ATM: variants seen among roughly 807,000 people sequenced by gnomAD.
ATM encodes serine-protein kinase ATM.
A neutral mutation model predicts 387.0 loss-of-function variants in ATM; 308 were observed. That is an observed-to-expected ratio of 0.80 (90% CI 0.73 to 0.87). The LOEUF (loss-of-function observed/expected upper bound fraction) is 0.87, where lower values mean the gene tolerates loss of function less well. ATM is among the 40% of genes least tolerant of loss of function. The pLI is 0.00. For synonymous variants in ATM, 1,156 were observed against 1,187.3 expected, an observed-to-expected ratio of 0.97 and a Z score of 0.54; for missense variants, 3,312 against 3,560.9, an observed-to-expected ratio of 0.93 and a Z score of 1.78.
rs535646511 is a variant in ATM at position 108,271,142 on chromosome 11, C to G, written c.2917C>G (p.Leu973Val). The change falls in exon 19 of 63, where the codon CTA becomes GTA. Residue 973 changes from leucine (L) to valine (V), a missense_variant. Physicochemically the swap from Leu to Val is conservative, Grantham distance 32 (BLOSUM62 1). Around this residue, in one of 4 missense-constraint regions of ATM, gnomAD observed 1,791 missense variants for 1,804.5 expected, o/e 0.99. Coordinates refer to ENST00000675843, the MANE Select transcript of ATM (RefSeq NM_000051.4). The part of the protein sequence containing the change: ...MEDVLELLKP[L>V]SNVCSLYRRD... ...AGATGTTCTTGAACTTCTGAAACCACTATCGTAAGAAATTAAAACCTTATG... is the reference window on the plus strand; with the variant it reads ...AGATGTTCTTGAACTTCTGAAACCAGTATCGTAAGAAATTAAAACCTTATG... The G allele has an allele frequency of 1.2e-6, 2 of 1,613,856 alleles. No homozygotes were observed. The highest frequency in any genetic ancestry group is 1.3e-5 in the African/African-American group (1 of 74,970).
rs1232218359 is a variant in ATM at position 108,366,512 on chromosome 11, A to T, written c.*1004A>T. 8.8e-6 allele frequency: 2 copies of T among 227,672 alleles called. No individual in the cohort carries two copies. Among genetic ancestry groups the T allele is most frequent in the African/African-American group, 2.2e-5 (1 of 44,958 alleles). The allele number at this position is 227,672 out of a possible 1,614,324, so 14.1% of individuals were successfully genotyped here. On this transcript the variant is annotated 3_prime_UTR_variant, in exon 63 of 63. Coordinates refer to ENST00000675843, the MANE Select transcript of ATM (RefSeq NM_000051.4). ...TTATATCTGTTGATTTTTGTATTTG[A>T]TAGGCTGTTCATCCAGTTTTGTCTT...
intron 57 of ATM, among the ~76,000 whole-genome samples, chr11:108,344,881 G>A (rs2088107233): frequency 6.6e-6 from 1 of 152,004 alleles, no homozygotes; most frequent in South Asian, 2.1e-4. Context: ...GCACATGCCT[G>A]TAATCCCAGC....
At chr11:108,239,510 C>T (rs577826006) in intron 5 of ATM, among the ~76,000 whole-genome samples, 3 of 152,186 alleles carry the variant, frequency 2.0e-5, no homozygotes, top group African/African-American at 7.2e-5. Context: ...CTATTCTGTT[C>T]TGTGTATATG....
chr11:108,353,666 G>GT, intron 59 of ATM, 100 bp from the exon 60 acceptor site: 2 of 930,724 alleles, frequency 2.1e-6, no homozygotes, highest in Non-Finnish European at 3.5e-6. Context: ...TAGAACGTAG[G>GT]TAACATGTGG....
chr11:108,270,645 C>CTG lies in ATM; in HGVS notation c.2839-405_2839-404dup, dbSNP rs546616992. Among the ~76,000 whole-genome samples, 994 of 150,978 alleles carry CTG rather than the reference C, an allele frequency of 6.6e-3. 2 individuals carry two copies. The highest frequency in any genetic ancestry group is 9.2e-3 in the Non-Finnish European group (624 of 67,624). On this transcript the variant is annotated intron_variant, in intron 18 of 62. Coordinates refer to ENST00000675843, the MANE Select transcript of ATM (RefSeq NM_000051.4). ...CTATACACCTCTTAAATATTTACAGCTGTGTGTGTGTGTGTATGTGTGTGC... is the reference window on the plus strand; with the variant it reads ...CTATACACCTCTTAAATATTTACAGCTGTGTGTGTGTGTGTGTATGTGTGTGC...
rs863224462 is a variant in ATM at position 108,329,171 on chromosome 11, C to A, written c.7240C>A (p.Gln2414Lys). 3 of 1,613,898 alleles carry A rather than the reference C, an allele frequency of 1.9e-6. No individual in the cohort carries two copies. In the African/African-American group the frequency reaches 4.0e-5, roughly 22 times the overall value. ...GAAATCATCGGAATTTGAAAACAAG[C>A]AAGCTCTCCTGAAAAGAGCCAAAGA... ...YMKSSEFENKQALLKRAKEEV... is the reference protein window; with the variant it reads ...YMKSSEFENKKALLKRAKEEV... The change falls in exon 49 of 63, where the codon CAA becomes AAA. Residue 2414 changes from glutamine (Q) to lysine (K), a missense_variant. Gln to Lys is a moderately conservative substitution (Grantham distance 53, BLOSUM62 1). Around this residue, in one of 4 missense-constraint regions of ATM, gnomAD observed 1,405 missense variants for 1,604.4 expected, o/e 0.88. Transcript: ENST00000675843.
Position 108,368,074 on chromosome 11 carries a change from T to C in ATM, c.*2566T>C. ...ACATCATTAATCTACTCTTTAGCCTTGCATGGTATGCTATGAGGCTCCTGT... is the reference window on the plus strand; with the variant it reads ...ACATCATTAATCTACTCTTTAGCCTCGCATGGTATGCTATGAGGCTCCTGT... On this transcript the variant is annotated 3_prime_UTR_variant, in exon 63 of 63. Transcript: ENST00000675843. The C allele has an allele frequency of 4.8e-6, 1 of 208,556 alleles. No homozygotes were observed. Among genetic ancestry groups the C allele is most frequent in the Non-Finnish European group, 9.8e-6 (1 of 102,502 alleles). The allele number at this position is 208,556 out of a possible 1,614,324, so 12.9% of individuals were successfully genotyped here. A position where few individuals can be genotyped will look rare whatever the true frequency, so the allele number is the denominator to read the frequency against.
intron 7 of ATM, among the ~76,000 whole-genome samples, chr11:108,246,643 C>T (rs185682711): frequency 5.9e-5 from 9 of 152,222 alleles, no homozygotes; most frequent in African/African-American, 1.4e-4. Context: ...AAAAGGCATA[C>T]GGAGAACTTG....
chr11:108,297,647 T>C (rs1275321415), intron 33 of ATM, among the ~76,000 whole-genome samples: 1 of 152,164 alleles, frequency 6.6e-6, no homozygotes, highest in Non-Finnish European at 1.5e-5. Context: ...CAAAGCATGA[T>C]TGTATTGGCG....
intron 5 of ATM, among the ~76,000 whole-genome samples, chr11:108,241,296 G>T (rs2079544106): frequency 6.6e-6 from 1 of 152,102 alleles, no homozygotes; most frequent in Non-Finnish European, 1.5e-5. Flanking sequence ...TTTTTAAGAA[G>T]AAGAAGGAGG....
rs3218672 is a variant in ATM, at chr11:108,299,826, A to G, written c.5118A>G (p.Lys1706=). The G allele has an allele frequency of 1.9e-6, 3 of 1,614,016 alleles. No individual in the cohort carries two copies. The highest frequency in any genetic ancestry group is 2.5e-6 in the Non-Finnish European group (3 of 1,179,936). ...YTKALKLFED[K]ELQWTFIMLT... is the part of the protein sequence containing the mutation. ...AGGCCCTTAAGTTATTTGAAGATAA[A>G]GAACTTCAGTGGACCTTCATAATGC... Residue 1706 remains lysine, a synonymous_variant, in exon 34 of 63, where the codon AAA becomes AAG. Coordinates refer to ENST00000675843, the MANE Select transcript of ATM (RefSeq NM_000051.4).
chr11:108,325,176 G>C, intron 45 of ATM, 134 bp from the exon 46 acceptor site: 1 of 639,572 alleles, frequency 1.6e-6, no homozygotes, highest in Non-Finnish European at 2.6e-6. Flanking sequence ...TTATTTACAA[G>C]TTCTAGTCTT....
chr11:108,268,692 A>ATGG, intron 18 of ATM, 83 bp downstream of exon 18: 1 of 1,413,020 alleles, frequency 7.1e-7, no homozygotes, highest in Non-Finnish European at 9.9e-7. Context: ...TAAGAATCAC[A>ATGG]TGGTGTCTTT....
chr11:108,235,540 A>G, intron 4 of ATM, 130 bp from the exon 5 acceptor site: 1 of 900,602 alleles, frequency 1.1e-6, no homozygotes, highest in South Asian at 1.6e-5. Flanking sequence ...ATAATTTGCC[A>G]ATTTCTTCTC....
At position 108,282,746 on chromosome 11, in the gene ATM, C is replaced by T. The variant is rs760928285; in HGVS notation, c.3613C>T (p.Arg1205Cys). 18 of 1,613,128 alleles carry T rather than the reference C, an allele frequency of 1.1e-5. No homozygotes were observed. The highest frequency in any genetic ancestry group is 5.0e-5 in the Admixed American group (3 of 59,954). The change falls in exon 25 of 63, where the codon CGT (arginine) becomes TGT (cysteine). Residue 1205 changes from arginine to cysteine, a missense_variant. This residue lies in a region of ATM where 1,791 missense variants were observed against 1,804.5 expected (regional missense o/e 0.99). Coordinates refer to ENST00000675843, the MANE Select transcript of ATM (RefSeq NM_000051.4). ...EKVSETFGYR[R>C]LEDFMASHLD... The stretch of plus-strand genomic sequence containing the variant: ...AGTTTCTGAAACTTTTGGATATAGA[C>T]GTTTAGAAGACTTTATGGCATCTCA...
chr11:108,256,131 T>G (rs2135390267), intron 13 of ATM, 84 bp from the exon 14 acceptor site: 3 of 1,272,630 alleles, frequency 2.4e-6, no homozygotes, highest in Non-Finnish European at 3.1e-6. Flanking sequence ...TTTTAATATG[T>G]ATGTAGAATT....
At chr11:108,357,929 A>G (rs1261521407) in intron 61 of ATM, among the ~76,000 whole-genome samples, 1 of 150,872 alleles carries the variant, frequency 6.6e-6, no homozygotes, top group Non-Finnish European at 1.5e-5. Context: ...CCAGCAACGG[A>G]ACAAAGCTGG....
rs34917552 is a variant in ATM, at chr11:108,286,312, CAAAAAAAA to C, written c.3994-1269_3994-1262del. ...TGGGCAACAGAGCAAGATTTCGTCT[CAAAAAAAA>C]AAAAAAAAAAAAAAAAAAGAATTGT... On this transcript the variant is annotated intron_variant, in intron 26 of 62. Transcript: ENST00000675843. 2.5e-4 allele frequency among the ~76,000 whole-genome samples: 12 copies of C among 47,196 alleles called. No homozygotes were observed. The South Asian group carries it at 4.6e-3, about 18-fold the overall frequency. 31.0% of individuals were successfully genotyped at this position (47,196 alleles called of 152,430 possible).
At chr11:108,328,443 G>A (rs1157153819) in intron 48 of ATM, among the ~76,000 whole-genome samples, 1 of 151,724 alleles carries the variant, frequency 6.6e-6, no homozygotes, top group African/African-American at 2.4e-5. Flanking sequence ...AGACGGTTTC[G>A]CCACATTGGC....
Sources: allele counts gnomAD v4.1 joint callset (sites outside exome capture counted in the v4.1 genomes callset), GRCh38; gene constraint gnomAD v4.1.1; regional missense constraint gnomAD v4.1.1; transcripts MANE v1.5; gene names NCBI Gene and HGNC (gene_info 2026-07-23, HGNC 2026-07-21).